Variants in TTC27 observed in about 807,000 individuals in gnomAD.
The protein encoded by TTC27 is tetratricopeptide repeat protein 27.
In TTC27, 79 loss-of-function variants were observed where a neutral mutation model predicts 115.9. That is an observed-to-expected ratio of 0.68 (90% CI 0.57 to 0.82). The LOEUF (loss-of-function observed/expected upper bound fraction) is 0.82. TTC27 is among the 40% of genes least tolerant of loss of function. TTC27 has a pLI of 0.00. For synonymous variants in TTC27, 401 were observed against 356.0 expected, an observed-to-expected ratio of 1.13 and a Z score of -1.42; for missense variants, 1,054 against 993.1, an observed-to-expected ratio of 1.06 and a Z score of -0.82.
At chr2:32,667,695 C>T (rs1224658951) in intron 7 of TTC27, among the ~76,000 whole-genome samples, 2 of 148,370 alleles carry the variant, frequency 1.3e-5, no homozygotes, top group Non-Finnish European at 3.0e-5. Context: ...GGATTACAGG[C>T]GTGAGCCACC....
chr2:32,799,113 TAAGTG>T (rs1346912251), intron 16 of TTC27, among the ~76,000 whole-genome samples: 1 of 152,186 alleles, frequency 6.6e-6, no homozygotes, highest in African/African-American at 2.4e-5. Flanking sequence ...AGGTTTATGT[TAAGTG>T]AAGTAAACCA....
chr2:32,684,922 CAAA>C (rs1194926166), intron 9 of TTC27, among the ~76,000 whole-genome samples: 4 of 98,680 alleles, frequency 4.1e-5, no homozygotes, highest in African/African-American at 1.1e-4. Flanking sequence ...TGACAGCAAC[CAAA>C]AAAAAAAAAA....
intron 2 of TTC27, among the ~76,000 whole-genome samples, chr2:32,633,509 CTGCAAGCAA>C (rs1376857233): frequency 1.3e-5 from 2 of 152,080 alleles, no homozygotes; most frequent in African/African-American, 4.8e-5. Context: ...AACTCCTGGG[CTGCAAGCAA>C]TCCTCATGCA....
chr2:32,628,463 CT>C (rs2063528564), intron 1 of TTC27, 83 bp downstream of exon 1: 1 of 1,303,870 alleles, frequency 7.7e-7, no homozygotes, highest in South Asian at 1.5e-5. Context: ...TCATCCCTCC[CT>C]TCATTTTTCC....
At chr2:32,696,701 A>T (rs1475821415) in intron 9 of TTC27, among the ~76,000 whole-genome samples, 1 of 152,190 alleles carries the variant, frequency 6.6e-6, no homozygotes, top group Non-Finnish European at 1.5e-5. Flanking sequence ...ATCTGACTTC[A>T]ATTCTTTCAG....
chr2:32,648,439 T>TCC, intron 4 of TTC27, among the ~76,000 whole-genome samples: 2 of 136,338 alleles, frequency 1.5e-5, no homozygotes, highest in Non-Finnish European at 3.3e-5. Context: ...ACCCCCCCTT[T>TCC]TTTTTTTTTT....
intron 13 of TTC27, among the ~76,000 whole-genome samples, chr2:32,767,947 A>G (rs555839475): frequency 1.3e-5 from 2 of 152,212 alleles, no homozygotes; most frequent in Non-Finnish European, 2.9e-5. Context: ...GAATCTGACA[A>G]TTAACAATAA....
rs559165619 is a variant in TTC27, at chr2:32,737,783, G to A, written c.1452+967G>A. On this transcript the variant is annotated intron_variant, in intron 12 of 19. Transcript: ENST00000317907. The stretch of plus-strand genomic sequence containing the variant: ...CTCGAGAAGCTGAGGTGGGAAGATC[G>A]CTTGAGCCCAGGAGTTCAAGACCAG... Among the ~76,000 whole-genome samples, 3 of 152,162 alleles carry A rather than the reference G, an allele frequency of 2.0e-5. 1 individual carries two copies. The South Asian group carries it at 6.2e-4, about 32-fold the overall frequency.
Position 32,816,329 on chromosome 2 carries a change from A to AT in TTC27, c.2309-1128_2309-1127insT, listed in dbSNP as rs1323005496. Reference sequence around the variant, plus strand: ...GAGACCTTGTCTCAAAAAAAAAAAAAAATTGATTTTCTATCCTTGGTCTAC... The same window carrying AT: ...GAGACCTTGTCTCAAAAAAAAAAAAATAATTGATTTTCTATCCTTGGTCTAC... On this transcript the variant is annotated intron_variant, in intron 18 of 19. Transcript: ENST00000317907. 2.0e-5 allele frequency among the ~76,000 whole-genome samples: 3 copies of AT among 152,202 alleles called. No homozygotes were observed. The South Asian group carries it at 6.2e-4, about 32-fold the overall frequency.
chr2:32,756,430 CTTTATG>C (rs1356609185), intron 12 of TTC27, among the ~76,000 whole-genome samples: 1 of 152,116 alleles, frequency 6.6e-6, no homozygotes, highest in East Asian at 1.9e-4. Flanking sequence ...TATTCTAAAA[CTTTATG>C]TTTATTTTGA....
chr2:32,636,880 C>A (rs1228606313), intron 3 of TTC27, among the ~76,000 whole-genome samples: 1 of 152,178 alleles, frequency 6.6e-6, no homozygotes, highest in South Asian at 2.1e-4. Context: ...AGGAAAATAT[C>A]CATTCTAGGT....
At position 32,820,920 on chromosome 2, in the gene TTC27, G is replaced by C. The variant is rs1671682051; in HGVS notation, c.2514G>C (p.Gln838His). The C allele has an allele frequency of 3.9e-6, 6 of 1,523,658 alleles. No individual in the cohort carries two copies. In the East Asian group the frequency reaches 9.9e-5, roughly 25 times the overall value. The allele number at this position is 1,523,658 out of a possible 1,614,324, so 94.4% of individuals were successfully genotyped here. A position where few individuals can be genotyped will look rare whatever the true frequency, so the allele number is the denominator to read the frequency against. The change falls in exon 20 of 20, where the codon CAG becomes CAC. Residue 838 changes from glutamine to histidine, a missense_variant. Coordinates refer to ENST00000317907, the MANE Select transcript of TTC27 (RefSeq NM_017735.5). ...LVTELQDLSN[Q>H]FRNQY The stretch of plus-strand genomic sequence containing the variant: ...CAGAGCTCCAAGACCTAAGCAACCA[G>C]TTTCGAAATCAGTATTGATTCTGCT...
intron 12 of TTC27, among the ~76,000 whole-genome samples, chr2:32,744,974 G>A (rs1235036549): frequency 4.0e-5 from 6 of 148,894 alleles, no homozygotes; most frequent in African/African-American, 1.5e-4. Context: ...TTTGAGCCCG[G>A]GAGGTGGAGT....
intron 14 of TTC27, among the ~76,000 whole-genome samples, chr2:32,781,459 T>C (rs1670176668): frequency 6.6e-6 from 1 of 152,206 alleles, no homozygotes; most frequent in East Asian, 1.9e-4. Flanking sequence ...CTACACCTCG[T>C]GGATGCTGTG....
chr2:32,789,343 A>AC lies in TTC27; in HGVS notation c.1998+2199dup, dbSNP rs1420002277. On this transcript the variant is annotated intron_variant, in intron 16 of 19. Transcript: ENST00000317907. ...TTTCTCTTTTCTTACCACCCCTACC[A>AC]CCCCCAGATTAGGAGTCTCATTCTC... 3.3e-5 allele frequency among the ~76,000 whole-genome samples: 5 copies of AC among 151,938 alleles called. No homozygotes were observed. In the East Asian group the frequency reaches 9.7e-4, roughly 29 times the overall value.
chr2:32,687,223 T>G (rs1038807392), intron 9 of TTC27, among the ~76,000 whole-genome samples: 1 of 152,194 alleles, frequency 6.6e-6, no homozygotes, highest in African/African-American at 2.4e-5. Flanking sequence ...AGTTTCTACA[T>G]TTTATGTGAA....
intron 10 of TTC27, among the ~76,000 whole-genome samples, chr2:32,710,184 G>A (rs912732814): frequency 6.6e-6 from 1 of 151,804 alleles, no homozygotes; most frequent in East Asian, 1.9e-4. Context: ...TTAATTTTTT[G>A]TATTTTTAGT....
At chr2:32,694,368 A>AT (rs1375219131) in intron 9 of TTC27, among the ~76,000 whole-genome samples, 8 of 152,116 alleles carry the variant, frequency 5.3e-5, no homozygotes, top group Non-Finnish European at 8.8e-5. Context: ...AAATTCTGAA[A>AT]TTTGGGAGCG....
chr2:32,718,526 A>G (rs953716156), intron 10 of TTC27, among the ~76,000 whole-genome samples: 1 of 152,220 alleles, frequency 6.6e-6, no homozygotes, highest in African/African-American at 2.4e-5. Context: ...TTAGAATTTT[A>G]AAAATTATTC....
Sources: gnomAD v4.1 joint callset for allele counts (sites outside exome capture counted in the v4.1 genomes callset) on GRCh38, gnomAD v4.1.1 for gene constraint, MANE v1.5 for transcripts, NCBI Gene and HGNC (gene_info 2026-07-23, HGNC 2026-07-21) for gene names.